SLC20A2: variants seen among roughly 807,000 people sequenced by gnomAD.
The protein encoded by SLC20A2 is solute carrier family 20 member 2.
SLC20A2 carries 30 observed loss-of-function variants against 61.0 expected under a neutral mutation model. The observed-to-expected ratio is 0.49, with a 90% CI of 0.37 to 0.67. The LOEUF (loss-of-function observed/expected upper bound fraction) is 0.67. Ranked by LOEUF, SLC20A2 falls within the 30% of genes least tolerant of loss-of-function variation. SLC20A2 has a pLI of 0.00. For synonymous variants in SLC20A2, 351 were observed against 353.3 expected (o/e 0.99, Z 0.07); for missense variants, 626 against 866.4 (o/e 0.72, Z 3.48).
At chr8:42,511,889 A>G (rs1303796077) in intron 1 of SLC20A2, among the ~76,000 whole-genome samples, 1 of 152,142 alleles carries the variant, frequency 6.6e-6, no homozygotes, top group Non-Finnish European at 1.5e-5. Flanking sequence ...CCACCAAAAA[A>G]ACCATAAAAC....
In SLC20A2 at chr8:42,419,008, C is replaced by CAA. The variant is rs778981433; in HGVS notation, c.1795-1043_1795-1042dup. 8.0e-3 allele frequency among the ~76,000 whole-genome samples: 497 copies of CAA among 62,208 alleles called. 6 individuals are homozygous for CAA. The highest frequency in any genetic ancestry group is 0.027 in the East Asian group (55 of 2,046). 40.8% of individuals were successfully genotyped at this position (62,208 alleles called of 152,430 possible). On this transcript the variant is annotated intron_variant, in intron 10 of 10. Transcript: ENST00000520262. ...TGGGCGACAGAGAGAGACTCTGTCT[C>CAA]AAAAAAAAAAAAAAAAAAAAAAATT...
intron 10 of SLC20A2, among the ~76,000 whole-genome samples, chr8:42,420,321 G>A (rs568493780): frequency 2.0e-5 from 3 of 152,124 alleles, no homozygotes; most frequent in East Asian, 3.9e-4. Context: ...TTTTCTTAAG[G>A]TAGTATTTTG....
chr8:42,485,025 C>A, intron 1 of SLC20A2: 1 of 228,456 alleles, frequency 4.4e-6, no homozygotes, highest in Non-Finnish European at 8.9e-6. Context: ...AGTGAGCCCT[C>A]GAAACTGCGG....
intron 1 of SLC20A2, among the ~76,000 whole-genome samples, chr8:42,517,267 G>T (rs930002956): frequency 1.3e-5 from 2 of 151,700 alleles, no homozygotes; most frequent in Admixed American, 1.3e-4. Context: ...CTTTGGGAGG[G>T]TGAGGTGGGA....
chr8:42,506,018 T>C (rs1053790007), upstream of SLC20A2, among the ~76,000 whole-genome samples: 4 of 152,204 alleles, frequency 2.6e-5, no homozygotes, highest in African/African-American at 9.6e-5. Flanking sequence ...CTCGGCTCAC[T>C]GCAACGTCCG....
At chr8:42,482,404 G>A (rs1451508011) in intron 1 of SLC20A2, among the ~76,000 whole-genome samples, 1 of 151,854 alleles carries the variant, frequency 6.6e-6, no homozygotes, top group Non-Finnish European at 1.5e-5. Context: ...TGGGCGAGGT[G>A]GTTCATGCCT....
At chr8:42,479,261 C>T (rs1808384980) in intron 1 of SLC20A2, among the ~76,000 whole-genome samples, 1 of 152,118 alleles carries the variant, frequency 6.6e-6, no homozygotes, top group Admixed American at 6.6e-5. Context: ...CATGGGGAAC[C>T]ACAGACTGAA....
chr8:42,510,612 C>T (rs754869385), intron 1 of SLC20A2, among the ~76,000 whole-genome samples: 23 of 152,226 alleles, frequency 1.5e-4, no homozygotes, highest in Non-Finnish European at 2.9e-4. Flanking sequence ...GATTACCCTA[C>T]TTTTAACTTG....
rs1586050184 is a variant in SLC20A2, at chr8:42,444,863, C to T, written c.614-101G>A. The T allele has an allele frequency of 3.4e-5, 26 of 770,506 alleles. No homozygotes were observed. The East Asian group carries it at 6.4e-4, about 19-fold the overall frequency. The allele number at this position is 770,506 out of a possible 1,614,324, so 47.7% of individuals were successfully genotyped here. A position where few individuals can be genotyped will look rare whatever the true frequency, so the allele number is the denominator to read the frequency against. Reference sequence around the variant, plus strand: ...ACTCCCCAAATCGAGAACGAATCACCTGGATTTTGTAGTGAATAAAACTCT... The same window carrying T: ...ACTCCCCAAATCGAGAACGAATCACTTGGATTTTGTAGTGAATAAAACTCT... On this transcript the variant is annotated intron_variant, in intron 5 of 10. Transcript: ENST00000520262.
upstream of SLC20A2, among the ~76,000 whole-genome samples, chr8:42,504,101 G>A (rs150865451): frequency 0.011 from 1,636 of 152,026 alleles, 32 homozygotes; most frequent in African/African-American, 0.037. Flanking sequence ...CAGCACACCT[G>A]GCTAATTTTA....
At chr8:42,484,875 A>C (rs1457208926) in intron 1 of SLC20A2, 1 of 393,912 alleles carries the variant, frequency 2.5e-6, no homozygotes, top group Non-Finnish European at 5.1e-6. Context: ...ACACGCAGCC[A>C]CTGAGCATCT....
intron 5 of SLC20A2, among the ~76,000 whole-genome samples, chr8:42,450,524 C>T (rs558272913): frequency 2.0e-5 from 3 of 150,438 alleles, no homozygotes; most frequent in Admixed American, 6.6e-5. Flanking sequence ...CCACTGCGCC[C>T]GGCCTCTTTT....
chr8:42,539,135 C>A (rs1812893396), intron 1 of SLC20A2, among the ~76,000 whole-genome samples: 1 of 152,172 alleles, frequency 6.6e-6, no homozygotes, highest in Admixed American at 6.5e-5. Context: ...AGTAAAGAAA[C>A]CCTCTTGTAA....
chr8:42,469,927 CAAA>C (rs781431507), intron 2 of SLC20A2, among the ~76,000 whole-genome samples: 4 of 100,832 alleles, frequency 4.0e-5, no homozygotes, highest in Admixed American at 1.1e-4. Flanking sequence ...GATTCCGTCT[CAAA>C]AAAAAAAAAA....
At chr8:42,423,207 C>G (rs1803159751) in intron 10 of SLC20A2, among the ~76,000 whole-genome samples, 1 of 151,988 alleles carries the variant, frequency 6.6e-6, no homozygotes, top group Non-Finnish European at 1.5e-5. Flanking sequence ...CTCCTTAATT[C>G]AATTGTTACC....
chr8:42,423,081 A>T (rs560673801), intron 10 of SLC20A2, among the ~76,000 whole-genome samples: 1 of 152,302 alleles, frequency 6.6e-6, no homozygotes, highest in East Asian at 1.9e-4. Flanking sequence ...TAAAGATATG[A>T]ATTTTCATCT....
chr8:42,538,213 G>C (rs1040302761), intron 1 of SLC20A2: 2 of 148,262 alleles, frequency 1.3e-5, no homozygotes, highest in Non-Finnish European at 3.0e-5. Context: ...AACCTACTCT[G>C]TATATATACA....
chr8:42,534,031 A>C (rs567526111), intron 1 of SLC20A2, among the ~76,000 whole-genome samples: 1 of 152,034 alleles, frequency 6.6e-6, no homozygotes, highest in South Asian at 2.1e-4. Context: ...AAACAACAAA[A>C]GGGGCCAGGT....
chr8:42,437,778 T>C lies in SLC20A2; in HGVS notation c.935-201A>G, dbSNP rs1425985364. Among the ~76,000 whole-genome samples the C allele has an allele frequency of 3.3e-5, 5 of 151,780 alleles. No individual in the cohort carries two copies. Among genetic ancestry groups the C allele is most frequent in the Non-Finnish European group, 7.4e-5 (5 of 67,960 alleles). ...CTACAAGCGCGACACCATGCCCAGC[T>C]AACTTTTTTGTATTTTTAGTAGAGA... On this transcript the variant is annotated intron_variant, in intron 7 of 10. Transcript: ENST00000520262. The surrounding 1 kb of genome is among the most constrained non-coding windows in gnomAD (Gnocchi z 6.4).
Sources: allele counts gnomAD v4.1 joint callset (sites outside exome capture counted in the v4.1 genomes callset), GRCh38; gene constraint gnomAD v4.1.1; non-coding constraint Gnocchi (gnomAD v3.1); transcripts MANE v1.5; gene names NCBI Gene and HGNC (gene_info 2026-07-23, HGNC 2026-07-21).